SOX5: variants seen among roughly 807,000 people sequenced by gnomAD.
The protein encoded by SOX5 is SRY-box transcription factor 5.
A neutral mutation model predicts 92.0 loss-of-function variants in SOX5; 9 were observed. The observed-to-expected ratio is 0.10, with a 90% CI of 0.06 to 0.17. The LOEUF is 0.17. SOX5 is among the 10% of genes least tolerant of loss of function. The probability of loss-of-function intolerance (pLI) is 1.00; values close to 1 mark genes in which losing one functional copy is unlikely to be tolerated. For missense variants in SOX5, 642 were observed against 944.5 expected, an observed-to-expected ratio of 0.68 and a Z score of 4.20; for synonymous variants, 344 against 336.3, an observed-to-expected ratio of 1.02 and a Z score of -0.25.
chr12:23,658,312 A>C (rs894877997), intron 7 of SOX5, among the ~76,000 whole-genome samples: 3 of 152,320 alleles, frequency 2.0e-5, no homozygotes, highest in Non-Finnish European at 4.4e-5. Flanking sequence ...TCTCATGAGA[A>C]GTGGAAGATG....
chr12:23,659,511 A>G (rs2082742110), intron 7 of SOX5, among the ~76,000 whole-genome samples: 1 of 152,236 alleles, frequency 6.6e-6, no homozygotes, highest in Non-Finnish European at 1.5e-5. Context: ...ATGGCTATTT[A>G]GCACATATCT....
At chr12:23,891,287 A>G (rs2137519267) in intron 2 of SOX5, among the ~76,000 whole-genome samples, 1 of 152,322 alleles carries the variant, frequency 6.6e-6, no homozygotes, top group East Asian at 1.9e-4. Flanking sequence ...GAAGAATTAC[A>G]TCTTTATCTG....
At position 24,429,010 on chromosome 12, in the gene SOX5, T is replaced by A. The variant is rs576610675; in HGVS notation, c.-250-60371A>T. Reference sequence around the variant, plus strand: ...TGGTTATGAGCAACAATTAAGTCAGTAGGCATAAAGGTGTTGGAATAGTAT... The same window carrying A: ...TGGTTATGAGCAACAATTAAGTCAGAAGGCATAAAGGTGTTGGAATAGTAT... On this transcript the variant is annotated intron_variant, in intron 1 of 4. Coordinates refer to the SOX5 transcript ENST00000446891. Among the ~76,000 whole-genome samples the A allele has an allele frequency of 2.4e-3, 365 of 152,024 alleles. 1 individual carries two copies. The highest frequency in any genetic ancestry group is 3.3e-3 in the Non-Finnish European group (222 of 67,964).
intron 6 of SOX5, among the ~76,000 whole-genome samples, chr12:23,728,441 G>T (rs1227596667): frequency 1.3e-5 from 2 of 152,104 alleles, no homozygotes; most frequent in Non-Finnish European, 2.9e-5. Context: ...TCTTGTTGAG[G>T]GGGGTAAAAT....
intron 1 of SOX5, among the ~76,000 whole-genome samples, chr12:24,422,048 G>T (rs1357516497): frequency 6.6e-6 from 1 of 152,188 alleles, no homozygotes; most frequent in Non-Finnish European, 1.5e-5. Context: ...AATGACCTTG[G>T]TCAAGGTAAA....
At chr12:24,492,792 T>C (rs573537980) in intron 1 of SOX5, among the ~76,000 whole-genome samples, 1 of 152,220 alleles carries the variant, frequency 6.6e-6, no homozygotes, top group African/African-American at 2.4e-5. Context: ...TTAGATTCAT[T>C]GTTACATATA....
intron 6 of SOX5, among the ~76,000 whole-genome samples, chr12:23,694,280 T>C (rs1196393220): frequency 6.6e-6 from 1 of 152,222 alleles, no homozygotes; most frequent in African/African-American, 2.4e-5. Flanking sequence ...TCTAGACTCA[T>C]GTCTTTTATC....
intron 4 of SOX5, among the ~76,000 whole-genome samples, chr12:24,095,118 CACACACACACAGAGAGAGAGAGAGAGAG>C (rs1192170302): frequency 2.4e-5 from 2 of 82,646 alleles, no homozygotes; most frequent in Non-Finnish European, 5.3e-5. Flanking sequence ...CACACACACA[CACACACACACAGAGAGAGAGAGAGAGAG>C]AGAGAGAGAG....
In SOX5 at chr12:23,538,799, C is replaced by CT. The variant is rs67268404; in HGVS notation, c.1772-2131dup. Among the ~76,000 whole-genome samples, 366 of 108,120 alleles carry CT rather than the reference C, an allele frequency of 3.4e-3. 7 individuals are homozygous for CT. Among genetic ancestry groups the CT allele is most frequent in the Middle Eastern group, 0.01 (2 of 198 alleles). 70.9% of individuals were successfully genotyped at this position (108,120 alleles called of 152,430 possible). A position where few individuals can be genotyped will look rare whatever the true frequency, so the allele number is the denominator to read the frequency against. On this transcript the variant is annotated intron_variant, in intron 13 of 14. Coordinates refer to ENST00000451604, the MANE Select transcript of SOX5 (RefSeq NM_006940.6). ...AATTCGAAAACGAAACCAGCATTTT[C>CT]TTTTTTTTTTTTTTTTTTTGAGACA...
intron 9 of SOX5, among the ~76,000 whole-genome samples, chr12:23,600,552 T>TATATTTAC (rs745640453): frequency 1.0e-5 from 1 of 95,240 alleles, no homozygotes; most frequent in Non-Finnish European, 2.4e-5. Flanking sequence ...TATATATATA[T>TATATTTAC]ACACATACTT....
intron 1 of SOX5, among the ~76,000 whole-genome samples, chr12:24,430,290 T>C (rs1466831738): frequency 6.6e-6 from 1 of 152,164 alleles, no homozygotes; most frequent in East Asian, 1.9e-4. Context: ...ACCAAAGGAC[T>C]ATAAAGCTTT....
chr12:23,722,591 CTCTT>C (rs1436583879), intron 6 of SOX5, among the ~76,000 whole-genome samples: 3 of 152,132 alleles, frequency 2.0e-5, no homozygotes, highest in Non-Finnish European at 4.4e-5. Context: ...AACAACAATG[CTCTT>C]TCTTTCACCC....
chr12:23,714,655 A>G (rs746543289), intron 6 of SOX5, among the ~76,000 whole-genome samples: 2 of 152,140 alleles, frequency 1.3e-5, no homozygotes, highest in South Asian at 4.1e-4. Flanking sequence ...AACCCACAAC[A>G]GTATGTCTAC....
chr12:24,494,719 T>C (rs1947441103), intron 1 of SOX5, among the ~76,000 whole-genome samples: 1 of 152,068 alleles, frequency 6.6e-6, no homozygotes, highest in Non-Finnish European at 1.5e-5. Context: ...AGTTCCAAAG[T>C]GCCATGATTC....
intron 4 of SOX5, among the ~76,000 whole-genome samples, chr12:23,956,686 T>A (rs1392522279): frequency 6.9e-6 from 1 of 145,932 alleles, no homozygotes; most frequent in East Asian, 2.0e-4. Context: ...GCCTAAGTCT[T>A]TTTTTTTTAA....
intron 3 of SOX5, among the ~76,000 whole-genome samples, chr12:23,801,686 C>A (rs929640169): frequency 1.3e-5 from 2 of 152,100 alleles, no homozygotes; most frequent in Non-Finnish European, 2.9e-5. Flanking sequence ...ATACTAAAAT[C>A]TATTTAATTT....
chr12:23,867,330 T>A (rs1182737066), intron 2 of SOX5, among the ~76,000 whole-genome samples: 1 of 152,114 alleles, frequency 6.6e-6, no homozygotes, highest in Non-Finnish European at 1.5e-5. Flanking sequence ...TTGGCTTATG[T>A]TTCCCCTCCT....
At chr12:23,902,227 T>C (rs1216623734) in intron 1 of SOX5, among the ~76,000 whole-genome samples, 5 of 152,178 alleles carry the variant, frequency 3.3e-5, no homozygotes, top group African/African-American at 1.2e-4. Flanking sequence ...GTTAAAGATA[T>C]TCTGCATTTG....
intron 2 of SOX5, among the ~76,000 whole-genome samples, chr12:24,299,320 G>A (rs1011795048): frequency 2.6e-5 from 4 of 152,140 alleles, no homozygotes; most frequent in Non-Finnish European, 4.4e-5. Flanking sequence ...TTGATGTTAC[G>A]TGTCAGAATA....
Sources: allele counts gnomAD v4.1 joint callset (sites outside exome capture counted in the v4.1 genomes callset), GRCh38; gene constraint gnomAD v4.1.1; transcripts MANE v1.5; gene names NCBI Gene and HGNC (gene_info 2026-07-23, HGNC 2026-07-21).